PNOC: variants seen among roughly 807,000 people sequenced by gnomAD.
The protein encoded by PNOC is nociceptin.
Under a neutral mutation model 15.6 loss-of-function variants are expected in PNOC, and 10 were observed. The observed-to-expected ratio is 0.64, with a 90% CI of 0.40 to 1.09. The LOEUF is 1.09. PNOC is among the 50% of genes least tolerant of loss of function. The probability of loss-of-function intolerance (pLI) is 0.01; values close to 1 mark genes in which losing one functional copy is unlikely to be tolerated. For missense variants in PNOC, 220 were observed against 223.9 expected, an observed-to-expected ratio of 0.98 and a Z score of 0.11; for synonymous variants, 98 against 88.5, an observed-to-expected ratio of 1.11 and a Z score of -0.60.
intron 1 of PNOC, among the ~76,000 whole-genome samples, chr8:28,319,631 TAGGA>T (rs1404369713): frequency 6.6e-6 from 1 of 152,202 alleles, no homozygotes; most frequent in Non-Finnish European, 1.5e-5. Context: ...TGCACACTGG[TAGGA>T]ATGGGAAGTT....
chr8:28,326,328 G>A (rs1321001904), intron 1 of PNOC, among the ~76,000 whole-genome samples: 3 of 152,000 alleles, frequency 2.0e-5, no homozygotes, highest in African/African-American at 7.2e-5. Context: ...CACCAGCCTG[G>A]GCAACAGAGC....
chr8:28,339,397 C>T lies in PNOC; in HGVS notation c.484C>T (p.Gln162Ter). 2 of 1,559,784 alleles carry T rather than the reference C, an allele frequency of 1.3e-6. No individual in the cohort carries two copies. Among genetic ancestry groups the T allele is most frequent in the East Asian group, 2.3e-5 (1 of 44,116 alleles). ...GAGGCAATACTTGGTCCTGAGCATG[C>T]AGTCCAGCCAGCGCCGGCGCACCCT... ...FMRQYLVLSM[Q>*]SSQRRRTLHQ... The change falls in exon 3 of 4, where the codon CAG becomes TAG. Residue 162 changes from glutamine to a stop codon, truncating the protein, a stop_gained. Transcript: ENST00000301908. LOFTEE classifies it high-confidence loss of function.
intron 3 of PNOC, 37 bp downstream of exon 3, chr8:28,339,528 A>G: frequency 7.0e-7 from 1 of 1,427,058 alleles, no homozygotes; most frequent in Non-Finnish European, 9.2e-7. Flanking sequence ...GCAAGGAGAG[A>G]CCTCACACAC....
intron 2 of PNOC, 76 bp downstream of exon 2, chr8:28,329,359 C>A: frequency 6.4e-7 from 1 of 1,554,688 alleles, no homozygotes; most frequent in East Asian, 2.2e-5. Context: ...AGAGCAGACT[C>A]TGAGTGAGAA....
At chr8:28,327,084 A>G (rs1031542020) in intron 1 of PNOC, among the ~76,000 whole-genome samples, 3 of 152,250 alleles carry the variant, frequency 2.0e-5, no homozygotes, top group African/African-American at 4.8e-5. Context: ...ATACAGTGAA[A>G]TGCACAGAAT....
chr8:28,319,921 A>C (rs188037268), intron 1 of PNOC, among the ~76,000 whole-genome samples: 2 of 152,182 alleles, frequency 1.3e-5, no homozygotes, highest in African/African-American at 4.8e-5. Context: ...CCCACAGTCG[A>C]ACATAAAGTT....
chr8:28,330,560 C>CTATTTTTTTTTTTTTTTTTT (rs1801315384), intron 2 of PNOC, among the ~76,000 whole-genome samples: 2 of 105,052 alleles, frequency 1.9e-5, no homozygotes, highest in African/African-American at 3.4e-5. Context: ...CACCCGGCTA[C>CTATTTTTTTTTTTTTTTTTT]TTTTTTTTTT....
intron 1 of PNOC, 146 bp from the exon 2 acceptor site, chr8:28,328,989 C>A: frequency 2.6e-6 from 2 of 755,122 alleles, no homozygotes; most frequent in East Asian, 2.6e-5. Context: ...ATTTACACCC[C>A]TGCAAAGTGA....
intron 1 of PNOC, among the ~76,000 whole-genome samples, chr8:28,320,947 G>A (rs556663338): frequency 3.3e-5 from 5 of 151,712 alleles, no homozygotes; most frequent in East Asian, 3.9e-4. Flanking sequence ...AAAGAACACC[G>A]AATGATTTTA....
intron 2 of PNOC, among the ~76,000 whole-genome samples, chr8:28,337,669 G>A (rs1234866648): frequency 3.6e-5 from 5 of 140,498 alleles, no homozygotes; most frequent in Non-Finnish European, 4.5e-5. Context: ...TGCAAGCTCC[G>A]CCTCCCGGGT....
At chr8:28,327,469 A>G (rs1801242678) in intron 1 of PNOC, among the ~76,000 whole-genome samples, 1 of 152,246 alleles carries the variant, frequency 6.6e-6, no homozygotes, top group Admixed American at 6.5e-5. Context: ...AAGGTGAATA[A>G]CATGGCCCTT....
intron 1 of PNOC, among the ~76,000 whole-genome samples, chr8:28,319,304 G>T (rs1489306126): frequency 6.6e-6 from 1 of 152,090 alleles, no homozygotes; most frequent in Non-Finnish European, 1.5e-5. Flanking sequence ...GAGGAGAGAC[G>T]TAACACAAAC....
chr8:28,339,392 G>C lies in PNOC; in HGVS notation c.479G>C (p.Ser160Thr). Reference protein sequence around the residue: ...SEFMRQYLVLSMQSSQRRRTL... With the variant: ...SEFMRQYLVLTMQSSQRRRTL... ...TTTATGAGGCAATACTTGGTCCTGAGCATGCAGTCCAGCCAGCGCCGGCGC... is the reference window on the plus strand; with the variant it reads ...TTTATGAGGCAATACTTGGTCCTGACCATGCAGTCCAGCCAGCGCCGGCGC... The change falls in exon 3 of 4, where the codon AGC becomes ACC. Residue 160 changes from serine to threonine, a missense_variant. Physicochemically the swap from Ser to Thr is moderately conservative, Grantham distance 58. Coordinates refer to ENST00000301908, the MANE Select transcript of PNOC (RefSeq NM_006228.5). 6.4e-7 allele frequency: 1 copy of C among 1,570,536 alleles called. No homozygotes were observed. The highest frequency in any genetic ancestry group is 8.7e-7 in the Non-Finnish European group (1 of 1,152,938).
At chr8:28,332,150 A>G (rs1313835493) in intron 2 of PNOC, among the ~76,000 whole-genome samples, 1 of 152,188 alleles carries the variant, frequency 6.6e-6, no homozygotes, top group African/African-American at 2.4e-5. Context: ...ACACCTTCAC[A>G]GTGCTCGCTA....
intron 1 of PNOC, among the ~76,000 whole-genome samples, chr8:28,325,936 A>T (rs1245182581): frequency 1.3e-5 from 2 of 152,216 alleles, no homozygotes; most frequent in Non-Finnish European, 2.9e-5. Flanking sequence ...AACCAAGGCA[A>T]TAAATCTCAA....
chr8:28,343,097 C>T lies in PNOC; in HGVS notation c.*203C>T, dbSNP rs558604116. 21 of 619,600 alleles carry T rather than the reference C, an allele frequency of 3.4e-5. No individual in the cohort carries two copies. The East Asian group carries it at 1.5e-3, about 46-fold the overall frequency. 38.4% of individuals were successfully genotyped at this position (619,600 alleles called of 1,614,324 possible). ...CGTCTGATTGTTCCTCCCCAGCCCC[C>T]TGGCATGTTTCACCACAACCCTGTT... On this transcript the variant is annotated 3_prime_UTR_variant, in exon 4 of 4. Transcript: ENST00000301908.
intron 2 of PNOC, chr8:28,338,595 C>T (rs1801454936): frequency 1.0e-6 from 1 of 989,216 alleles, no homozygotes. Flanking sequence ...TGACTACATA[C>T]TTTCACATCC....
intron 2 of PNOC, among the ~76,000 whole-genome samples, chr8:28,332,237 T>C (rs1043426446): frequency 6.6e-6 from 1 of 152,226 alleles, no homozygotes; most frequent in Non-Finnish European, 1.5e-5. Context: ...TTAAGTTTAA[T>C]GAAATGCCTA....
At chr8:28,330,075 T>G (rs1801296236) in intron 2 of PNOC, among the ~76,000 whole-genome samples, 1 of 152,010 alleles carries the variant, frequency 6.6e-6, no homozygotes, top group Admixed American at 6.5e-5. Context: ...GCCTCCCAAG[T>G]AGCTGGGATT....
Sources: gnomAD v4.1 joint callset for allele counts (sites outside exome capture counted in the v4.1 genomes callset) on GRCh38, gnomAD v4.1.1 for gene constraint, MANE v1.5 for transcripts, NCBI Gene and HGNC (gene_info 2026-07-23, HGNC 2026-07-21) for gene names.